Variants in TRPM1 observed in about 807,000 individuals in gnomAD.
TRPM1 encodes the protein transient receptor potential cation channel subfamily M member 1.
A neutral mutation model predicts 149.4 loss-of-function variants in TRPM1; 113 were observed. The observed-to-expected ratio is 0.76, with a 90% CI of 0.65 to 0.88. The LOEUF (loss-of-function observed/expected upper bound fraction) is 0.88. Ranked by LOEUF, TRPM1 falls within the 40% of genes least tolerant of loss-of-function variation. The pLI is 0.00. For missense variants in TRPM1, 1,976 were observed against 2,038.7 expected, an observed-to-expected ratio of 0.97 and a Z score of 0.59; for synonymous variants, 741 against 759.5, an observed-to-expected ratio of 0.98 and a Z score of 0.40.
chr15:31,069,219 A>G (rs969537157), intron 4 of TRPM1, among the ~76,000 whole-genome samples: 1 of 152,200 alleles, frequency 6.6e-6, no homozygotes, highest in Non-Finnish European at 1.5e-5. Context: ...AAGTTGGATG[A>G]GGATGTTGTT....
chr15:31,119,131 C>T (rs2035841986), intron 1 of TRPM1, among the ~76,000 whole-genome samples: 1 of 152,124 alleles, frequency 6.6e-6, no homozygotes, highest in South Asian at 2.1e-4. Flanking sequence ...ATCCCAGCTA[C>T]TCGGGAGGCT....
At chr15:31,093,865 A>G (rs1399363644) in intron 1 of TRPM1, among the ~76,000 whole-genome samples, 1 of 152,156 alleles carries the variant, frequency 6.6e-6, no homozygotes, top group Non-Finnish European at 1.5e-5. Flanking sequence ...AGCCTCCCAA[A>G]GTGCTGGGAT....
At chr15:31,142,919 A>G (rs1001349734) in intron 1 of TRPM1, among the ~76,000 whole-genome samples, 1 of 152,216 alleles carries the variant, frequency 6.6e-6, no homozygotes, top group African/African-American at 2.4e-5. Flanking sequence ...TAGAAATCTG[A>G]TGTGTTATCA....
intron 6 of TRPM1, 46 bp from the exon 7 acceptor site, chr15:31,066,293 T>C: frequency 6.2e-7 from 1 of 1,610,388 alleles, no homozygotes; most frequent in Non-Finnish European, 8.5e-7. Context: ...ACTTGGATGT[T>C]AAGACCAACA....
chr15:31,026,114 C>T (rs755723063), intron 27 of TRPM1, 25 bp downstream of exon 27: 9 of 1,608,660 alleles, frequency 5.6e-6, no homozygotes, highest in Admixed American at 1.7e-5. Flanking sequence ...GGCTCACGGG[C>T]CCGCGGTGGG....
intron 1 of TRPM1, among the ~76,000 whole-genome samples, chr15:31,145,175 C>T (rs2036209234): frequency 6.6e-6 from 1 of 152,172 alleles, no homozygotes; most frequent in Non-Finnish European, 1.5e-5. Context: ...ATATAAATCT[C>T]AAGGGAACGT....
chr15:31,100,677 CT>C (rs2035495417), intron 1 of TRPM1, among the ~76,000 whole-genome samples: 1 of 152,134 alleles, frequency 6.6e-6, no homozygotes, highest in South Asian at 2.1e-4. Context: ...TATTTCTAGG[CT>C]TTTTCCGTGA....
At position 31,090,917 on chromosome 15, in the gene TRPM1, G is replaced by A. The variant is rs1272277879; in HGVS notation, c.-83-9479C>T. Among the ~76,000 whole-genome samples, 4 of 152,310 alleles carry A rather than the reference G, an allele frequency of 2.6e-5. No individual in the cohort carries two copies. The East Asian group carries it at 7.7e-4, about 29-fold the overall frequency. On this transcript the variant is annotated intron_variant, in intron 1 of 27. Transcript: ENST00000256552. ...GTCTTGATTAGCTTGTCTATGACAT[G>A]GAGTAATGAGGCTGATTTCTCATGG...
chr15:31,090,916 T>C (rs1356841778), intron 1 of TRPM1, among the ~76,000 whole-genome samples: 1 of 152,216 alleles, frequency 6.6e-6, no homozygotes, highest in African/African-American at 2.4e-5. Context: ...GTCTATGACA[T>C]GGAGTAATGA....
At chr15:31,120,725 CAA>C (rs35006473) in intron 1 of TRPM1, among the ~76,000 whole-genome samples, 2 of 143,714 alleles carry the variant, frequency 1.4e-5, no homozygotes, top group Admixed American at 6.9e-5. Context: ...GGAATTAGAC[CAA>C]AAAAAAAAAA....
chr15:31,134,054 C>T (rs1035193613), intron 1 of TRPM1, among the ~76,000 whole-genome samples: 1 of 152,192 alleles, frequency 6.6e-6, no homozygotes, highest in African/African-American at 2.4e-5. Flanking sequence ...CAAAGGCCCC[C>T]TCTCTGGACG....
intron 1 of TRPM1, among the ~76,000 whole-genome samples, chr15:31,113,677 T>C (rs1198933965): frequency 2.0e-5 from 3 of 151,878 alleles, no homozygotes; most frequent in Non-Finnish European, 4.4e-5. Context: ...TCACCCACGT[T>C]TTAAGACTAC....
At chr15:31,113,152 A>C (rs2035719398) in intron 1 of TRPM1, among the ~76,000 whole-genome samples, 1 of 152,022 alleles carries the variant, frequency 6.6e-6, no homozygotes, top group Non-Finnish European at 1.5e-5. Context: ...TTCTGCCTGA[A>C]TCACCCCCTT....
intron 1 of TRPM1, among the ~76,000 whole-genome samples, chr15:31,120,725 C>CAA (rs35006473): frequency 1.2e-3 from 170 of 143,770 alleles, no homozygotes; most frequent in South Asian, 7.4e-3. Flanking sequence ...GGAATTAGAC[C>CAA]AAAAAAAAAA....
At chr15:31,104,892 C>T (rs1048754975), upstream of TRPM1, among the ~76,000 whole-genome samples, 1 of 151,948 alleles carries the variant, frequency 6.6e-6, no homozygotes, top group African/African-American at 2.4e-5. Context: ...CCATGCCCAG[C>T]TGCAAAATGG....
At chr15:31,018,469 G>T (rs1007019197) in intron 27 of TRPM1, among the ~76,000 whole-genome samples, 1 of 151,776 alleles carries the variant, frequency 6.6e-6, no homozygotes, top group African/African-American at 2.4e-5. Context: ...TGCCTCCTGG[G>T]TTCAAACAAT....
Position 31,002,290 on chromosome 15 carries a change from C to G in TRPM1, c.4410G>C (p.Leu1470=). Residue 1470 remains leucine (L), a synonymous_variant, in exon 28 of 28, where the codon CTG becomes CTC. Transcript: ENST00000256552. ...CTACATCCTGGTTAACCCCACCGAC[C>G]AGCTTTCTTCCCCGGGAATAGACGA... ...RSFVYSRGRK[L]VGGVNQDVEY... is the part of the protein sequence containing the mutation. 1 of 1,614,240 alleles carries G rather than the reference C, an allele frequency of 6.2e-7. No homozygotes were observed. The highest frequency in any genetic ancestry group is 8.5e-7 in the Non-Finnish European group (1 of 1,180,042).
Position 31,155,232 on chromosome 15 carries a change from G to A in TRPM1, c.54+5674C>T, listed in dbSNP as rs563918278. On this transcript the variant is annotated intron_variant, in intron 1 of 26. Coordinates refer to the TRPM1 transcript ENST00000542188. The stretch of plus-strand genomic sequence containing the variant: ...AAAGGGAGCCAAGCGTGGTCCTAGT[G>A]CTTCGGGCCCAGGGAGAGGTGAGAG... Among the ~76,000 whole-genome samples the A allele has an allele frequency of 3.3e-5, 5 of 152,310 alleles. No individual in the cohort carries two copies. In the South Asian group the frequency reaches 1.0e-3, roughly 32 times the overall value.
Position 31,066,099 on chromosome 15 carries a change from A to G in TRPM1, c.767T>C (p.Ile256Thr), listed in dbSNP as rs1342680878. 1.2e-6 allele frequency: 2 copies of G among 1,613,828 alleles called. No homozygotes were observed. Among genetic ancestry groups the G allele is most frequent in the Non-Finnish European group, 1.7e-6 (2 of 1,179,920 alleles). Reference sequence around the variant, plus strand: ...ACTTGTGTTGATCTTCTGCAGGGAGATGTGCTTTTCCAGCAGCCTTCGCAG... The same window carrying G: ...ACTTGTGTTGATCTTCTGCAGGGAGGTGTGCTTTTCCAGCAGCCTTCGCAG... ...VKLRRLLEKH[I>T]SLQKINTRLG... The change falls in exon 7 of 28, where the codon ATC (isoleucine) becomes ACC (threonine). Residue 256 changes from isoleucine to threonine, a missense_variant. Ile to Thr is a moderately conservative substitution (Grantham distance 89). Coordinates refer to ENST00000256552, the MANE Select transcript of TRPM1 (RefSeq NM_001252024.2).
Sources: allele counts gnomAD v4.1 joint callset (sites outside exome capture counted in the v4.1 genomes callset), GRCh38; gene constraint gnomAD v4.1.1; transcripts MANE v1.5; gene names NCBI Gene and HGNC (gene_info 2026-07-23, HGNC 2026-07-21).